Variants in DIP2C observed in about 807,000 individuals in gnomAD.
DIP2C encodes DIP2 acetate--CoA ligase C (putative).
DIP2C carries 33 observed loss-of-function variants against 192.4 expected under a neutral mutation model. That is an observed-to-expected ratio of 0.17 (90% CI 0.13 to 0.23). The LOEUF is 0.23. Among genes scored for constraint, DIP2C ranks in the 10% least tolerant of loss-of-function variants. The pLI is 1.00. For missense variants in DIP2C, 1,537 were observed against 2,110.1 expected, an observed-to-expected ratio of 0.73 and a Z score of 5.32; for synonymous variants, 979 against 864.1, an observed-to-expected ratio of 1.13 and a Z score of -2.33.
At chr10:526,836 G>A (rs1485024593) in intron 1 of DIP2C, among the ~76,000 whole-genome samples, 3 of 152,220 alleles carry the variant, frequency 2.0e-5, no homozygotes, top group Admixed American at 6.5e-5. Context: ...GGGAACTGGT[G>A]CCGTGCTCTG....
At chr10:280,491 C>T (rs2132128659) in intron 36 of DIP2C, among the ~76,000 whole-genome samples, 1 of 152,338 alleles carries the variant, frequency 6.6e-6, no homozygotes, top group South Asian at 2.1e-4. Flanking sequence ...CTGAACAAGC[C>T]TGTAAAACTC....
At chr10:491,899 A>T (rs142128860) in intron 1 of DIP2C, among the ~76,000 whole-genome samples, 279 of 152,320 alleles carry the variant, frequency 1.8e-3, no homozygotes, top group African/African-American at 6.3e-3. Flanking sequence ...GAGGCAAAGA[A>T]GATGGACCAC....
chr10:590,481 G>C (rs1851335317), intron 1 of DIP2C, among the ~76,000 whole-genome samples: 1 of 152,230 alleles, frequency 6.6e-6, no homozygotes, highest in Admixed American at 6.5e-5. Context: ...TGAGGAACTT[G>C]CTGGTATCTT....
intron 1 of DIP2C, among the ~76,000 whole-genome samples, chr10:488,247 G>A (rs988827226): frequency 3.3e-5 from 5 of 152,102 alleles, no homozygotes; most frequent in African/African-American, 7.2e-5. Flanking sequence ...ACTAAGTCTC[G>A]AGGCTGAGCC....
intron 17 of DIP2C, among the ~76,000 whole-genome samples, chr10:375,291 A>C (rs10904061): frequency 0.33 from 49,563 of 152,114 alleles, 9,458 homozygotes; most frequent in Non-Finnish European, 0.44. Flanking sequence ...TTGCTCGCTC[A>C]ATCTCTCACC....
intron 1 of DIP2C, among the ~76,000 whole-genome samples, chr10:557,733 A>G (rs1319346007): frequency 1.1e-4 from 3 of 28,160 alleles, no homozygotes; most frequent in African/African-American, 6.7e-4. Flanking sequence ...AGGGGAGGGG[A>G]AGGGGGAGAG....
chr10:601,168 T>C (rs17159747), intron 1 of DIP2C, among the ~76,000 whole-genome samples: 16,542 of 152,196 alleles, frequency 0.11, 1,791 homozygotes, highest in African/African-American at 0.27. Context: ...CACCCAACTG[T>C]AGAGGTTTTA....
At chr10:612,532 T>C (rs1016718406) in intron 1 of DIP2C, among the ~76,000 whole-genome samples, 2 of 152,154 alleles carry the variant, frequency 1.3e-5, no homozygotes, top group African/African-American at 2.4e-5. Flanking sequence ...GGCAAAATTT[T>C]TCTTTGCACT....
chr10:361,787 C>A (rs925853118), intron 22 of DIP2C, among the ~76,000 whole-genome samples: 1 of 152,172 alleles, frequency 6.6e-6, no homozygotes, highest in Non-Finnish European at 1.5e-5. Context: ...GCAGCGTTTT[C>A]CACCCTTTCA....
intron 7 of DIP2C, among the ~76,000 whole-genome samples, chr10:415,559 C>T (rs1476825780): frequency 1.3e-5 from 2 of 152,140 alleles, no homozygotes; most frequent in Non-Finnish European, 2.9e-5. Flanking sequence ...AAATCAACTC[C>T]CACAGAGGAC....
chr10:489,013 G>C (rs1368744968), intron 1 of DIP2C, among the ~76,000 whole-genome samples: 1 of 152,104 alleles, frequency 6.6e-6, no homozygotes, highest in Non-Finnish European at 1.5e-5. Flanking sequence ...TTCAGTTACT[G>C]GGGGGCGGGC....
intron 3 of DIP2C, among the ~76,000 whole-genome samples, chr10:470,666 G>A (rs991105821): frequency 3.3e-5 from 5 of 152,326 alleles, no homozygotes; most frequent in East Asian, 1.9e-4. Context: ...CAACACCCCT[G>A]CAGCATCGTG....
At chr10:382,944 C>G (rs1206907568) in intron 16 of DIP2C, among the ~76,000 whole-genome samples, 183 bp from the exon 17 acceptor site, 4 of 152,184 alleles carry the variant, frequency 2.6e-5, no homozygotes, top group Non-Finnish European at 5.9e-5. Flanking sequence ...AAACAGAACT[C>G]AAGAATTTAA....
Position 413,980 on chromosome 10 carries a change from G to C in DIP2C, c.990C>G (p.Ile330Met). The change falls in exon 8 of 37, where the codon ATC (isoleucine) becomes ATG (methionine). Residue 330 changes from isoleucine (I) to methionine (M), a missense_variant. Physicochemically the swap from Ile to Met is conservative, Grantham distance 10. Transcript: ENST00000280886. ...TGGTCAGGCAGGGCGCCTTGGGCGA[G>C]ATGGTGCCCCACCTCTGCAGTGCGG... Reference protein sequence around the residue: ...LEAALQRWGTISPKAPCLTTM... With the variant: ...LEAALQRWGTMSPKAPCLTTM... The C allele has an allele frequency of 1.2e-6, 2 of 1,614,238 alleles. No individual in the cohort carries two copies. Among genetic ancestry groups the C allele is most frequent in the Non-Finnish European group, 8.5e-7 (1 of 1,180,040 alleles).
At chr10:410,351 A>C (rs911085197) in intron 8 of DIP2C, among the ~76,000 whole-genome samples, 1 of 152,232 alleles carries the variant, frequency 6.6e-6, no homozygotes, top group African/African-American at 2.4e-5. Context: ...ATTCTTGAGC[A>C]CTTAATTGCT....
At chr10:542,083 GA>G (rs1848023494) in intron 1 of DIP2C, among the ~76,000 whole-genome samples, 1 of 152,130 alleles carries the variant, frequency 6.6e-6, no homozygotes, top group East Asian at 1.9e-4. Flanking sequence ...TGCACTCTCA[GA>G]AAAGTCCCAG....
intron 2 of DIP2C, among the ~76,000 whole-genome samples, chr10:479,287 C>T (rs553395080): frequency 5.2e-4 from 78 of 150,090 alleles, no homozygotes; most frequent in Admixed American, 1.4e-3. Context: ...ACTGAAATTC[C>T]ATTCTAAGCA....
At chr10:296,999 G>A (rs528721403) in intron 32 of DIP2C, among the ~76,000 whole-genome samples, 287 of 151,850 alleles carry the variant, frequency 1.9e-3, no homozygotes, top group Non-Finnish European at 3.4e-3. Flanking sequence ...TAACAAACCT[G>A]CACGTTGTGC....
intron 1 of DIP2C, among the ~76,000 whole-genome samples, chr10:522,463 G>A (rs544011442): frequency 3.2e-4 from 48 of 152,354 alleles, no homozygotes; most frequent in Admixed American, 2.0e-3. Context: ...TGTGGTCGGA[G>A]TGCTTAGTTC....
Sources: allele counts gnomAD v4.1 joint callset (sites outside exome capture counted in the v4.1 genomes callset), GRCh38; gene constraint gnomAD v4.1.1; transcripts MANE v1.5; gene names NCBI Gene and HGNC (gene_info 2026-07-23, HGNC 2026-07-21).